Variants in NPR3 observed in about 807,000 individuals in gnomAD.
The protein encoded by NPR3 is atrial natriuretic peptide receptor 3.
NPR3 carries 34 observed loss-of-function variants against 54.5 expected under a neutral mutation model. The observed-to-expected ratio is 0.62, with a 90% CI of 0.47 to 0.83. NPR3 has a LOEUF of 0.83. Ranked by LOEUF, NPR3 falls within the 40% of genes least tolerant of loss-of-function variation. The pLI, the probability that NPR3 is intolerant of heterozygous loss-of-function variation, is 0.00. For missense variants in NPR3, 674 were observed against 720.8 expected, an observed-to-expected ratio of 0.94 and a Z score of 0.74; for synonymous variants, 289 against 297.1, an observed-to-expected ratio of 0.97 and a Z score of 0.28.
At chr5:32,711,264 G>A (rs1042023789), upstream of NPR3, 183 of 967,230 alleles carry the variant, frequency 1.9e-4, no homozygotes, top group Non-Finnish European at 2.1e-4. Flanking sequence ...CGCCATGTGT[G>A]GTAACACGCT....
chr5:32,735,630 C>T (rs962584767), intron 2 of NPR3, among the ~76,000 whole-genome samples: 2 of 152,176 alleles, frequency 1.3e-5, no homozygotes, highest in African/African-American at 4.8e-5. Flanking sequence ...TCTCCCCCAC[C>T]CTAATCCACT....
At chr5:32,711,282 T>C, upstream of NPR3, 1 of 959,388 alleles carries the variant, frequency 1.0e-6, no homozygotes, top group Non-Finnish European at 1.2e-6. Context: ...GCTCAGCCGC[T>C]GCCACGCTAT....
intron 1 of NPR3, chr5:32,713,562 C>T (rs116428214): frequency 1.5e-5 from 12 of 795,890 alleles, no homozygotes; most frequent in Non-Finnish European, 1.8e-5. Flanking sequence ...GGCGCTCACG[C>T]GCCTGGAATG....
upstream of NPR3, chr5:32,710,742 C>A: frequency 6.5e-7 from 1 of 1,547,746 alleles, no homozygotes; most frequent in Non-Finnish European, 8.7e-7. Context: ...GTGCTCGCCC[C>A]GCGTCGGTGC....
intron 1 of NPR3, among the ~76,000 whole-genome samples, chr5:32,702,962 T>C (rs1303226594): frequency 2.0e-5 from 3 of 152,208 alleles, no homozygotes; most frequent in Non-Finnish European, 4.4e-5. Flanking sequence ...TTCTAACTGG[T>C]GTGAGATGGT....
rs1462623811 is a variant in NPR3 at position 32,787,248 on chromosome 5, G to A, written c.*903G>A. The A allele has an allele frequency of 6.6e-6, 1 of 152,438 alleles. No homozygotes were observed. Among genetic ancestry groups the A allele is most frequent in the Non-Finnish European group, 1.5e-5 (1 of 68,022 alleles). The allele number at this position is 152,438 out of a possible 1,614,324, so 9.4% of individuals were successfully genotyped here. A position where few individuals can be genotyped will look rare whatever the true frequency, so the allele number is the denominator to read the frequency against. ...CCTTGGCCACAGCCAAATGCTAATT[G>A]CTGCTTTAATTACAGAGATGTGTAA... On this transcript the variant is annotated 3_prime_UTR_variant, in exon 8 of 8. Transcript: ENST00000265074.
chr5:32,732,970 G>C (rs1040686036), intron 2 of NPR3, among the ~76,000 whole-genome samples: 1 of 151,822 alleles, frequency 6.6e-6, no homozygotes, highest in African/African-American at 2.4e-5. Context: ...TCAGCCTCCC[G>C]ACTAGCTGGG....
At chr5:32,785,921 T>A (rs1171555829) in intron 7 of NPR3, among the ~76,000 whole-genome samples, 4 of 152,206 alleles carry the variant, frequency 2.6e-5, no homozygotes, top group African/African-American at 9.7e-5. Flanking sequence ...TAATTTGATC[T>A]TTATCAAGGG....
At position 32,786,324 on chromosome 5, in the gene NPR3, A is replaced by C; in HGVS notation, c.1605A>C (p.Arg535Ser). The stretch of plus-strand genomic sequence containing the variant: ...GGGAATTACGGGAAGATTCCATCAG[A>C]TCCCATTTTTCAGTAGCTTAAAGGA... ...KHRELREDSI[R>S]SHFSVA Residue 535 changes from arginine (R) to serine (S), a missense_variant, in exon 8 of 8, where the codon AGA becomes AGC. By Grantham distance (110) the Arg-to-Ser change is moderately radical. Coordinates refer to ENST00000265074, the MANE Select transcript of NPR3 (RefSeq NM_001204375.2). The C allele has an allele frequency of 6.4e-7, 1 of 1,558,166 alleles. No homozygotes were observed. The highest frequency in any genetic ancestry group is 8.8e-7 in the Non-Finnish European group (1 of 1,136,224).
At chr5:32,725,287 T>C (rs1739083528) in intron 2 of NPR3, among the ~76,000 whole-genome samples, 1 of 152,194 alleles carries the variant, frequency 6.6e-6, no homozygotes, top group South Asian at 2.1e-4. Context: ...ACAAGAGGGT[T>C]GTGAGAAAGA....
intron 2 of NPR3, among the ~76,000 whole-genome samples, chr5:32,729,543 T>C (rs1739347809): frequency 6.6e-6 from 1 of 152,190 alleles, no homozygotes; most frequent in Admixed American, 6.5e-5. Context: ...GGTTAGGCAG[T>C]TTCATCATTG....
At chr5:32,693,735 T>C (rs982204420) in intron 1 of NPR3, among the ~76,000 whole-genome samples, 2 of 152,230 alleles carry the variant, frequency 1.3e-5, no homozygotes, top group Admixed American at 1.3e-4. Context: ...GTCCTTGACA[T>C]ACTGTAGATG....
intron 1 of NPR3, among the ~76,000 whole-genome samples, chr5:32,721,479 C>T (rs1054458583): frequency 6.6e-6 from 1 of 151,972 alleles, no homozygotes; most frequent in Admixed American, 6.5e-5. Flanking sequence ...TCTATCTATA[C>T]AAAAAGAACG....
At chr5:32,782,002 C>T (rs1250802267) in intron 5 of NPR3, among the ~76,000 whole-genome samples, 1 of 152,142 alleles carries the variant, frequency 6.6e-6, no homozygotes, top group Admixed American at 6.5e-5. Context: ...TTCCAAGAAC[C>T]TGGGTGGGAA....
At chr5:32,743,388 T>TTG (rs1362229595) in intron 3 of NPR3, among the ~76,000 whole-genome samples, 1 of 149,904 alleles carries the variant, frequency 6.7e-6, no homozygotes, top group Non-Finnish European at 1.5e-5. Context: ...CCTATACTCT[T>TTG]TGTATGTGTG....
In NPR3 at chr5:32,712,837, C is replaced by T. The variant is rs575736473; in HGVS notation, c.769+292C>T. Among the ~76,000 whole-genome samples the T allele has an allele frequency of 4.6e-5, 7 of 152,324 alleles. No homozygotes were observed. The East Asian group carries it at 1.4e-3, about 29-fold the overall frequency. ...TCAAACACTTCGATGTTTTTTCTTC[C>T]CAGTTTCCACTTTGCCAGCGCCGGG... On this transcript the variant is annotated intron_variant, in intron 1 of 7. Coordinates refer to ENST00000265074, the MANE Select transcript of NPR3 (RefSeq NM_001204375.2).
intron 1 of NPR3, among the ~76,000 whole-genome samples, chr5:32,718,067 C>T (rs1738649950): frequency 6.6e-6 from 1 of 152,198 alleles, no homozygotes. Context: ...TTTCAGCTTT[C>T]TACTTATGGC....
At chr5:32,702,614 G>T (rs542423216) in intron 1 of NPR3, among the ~76,000 whole-genome samples, 28 of 152,178 alleles carry the variant, frequency 1.8e-4, no homozygotes, top group African/African-American at 6.7e-4. Flanking sequence ...TGGCTGCATA[G>T]TATTCCATAG....
At chr5:32,760,185 C>A (rs923698817) in intron 3 of NPR3, among the ~76,000 whole-genome samples, 1 of 151,712 alleles carries the variant, frequency 6.6e-6, no homozygotes, top group Admixed American at 6.6e-5. Flanking sequence ...TTCTTGAATA[C>A]GTTTTTTTGC....
Sources: allele counts gnomAD v4.1 joint callset (sites outside exome capture counted in the v4.1 genomes callset), GRCh38; gene constraint gnomAD v4.1.1; transcripts MANE v1.5; gene names NCBI Gene and HGNC (gene_info 2026-07-23, HGNC 2026-07-21).